Variants in DNAJC5B observed in about 807,000 individuals in gnomAD.
DNAJC5B encodes the protein dnaJ homolog subfamily C member 5B.
DNAJC5B carries 23 observed loss-of-function variants against 24.7 expected under a neutral mutation model. The ratio of observed to expected loss-of-function variants is 0.93; its 90% confidence interval spans 0.67 to 1.32. The LOEUF (loss-of-function observed/expected upper bound fraction) is 1.32, where lower values mean the gene tolerates loss of function less well. Ranked by LOEUF, DNAJC5B falls within the 40% of genes most tolerant of loss-of-function variation. DNAJC5B has a pLI of 0.00. For missense variants in DNAJC5B, 238 were observed against 240.8 expected, an observed-to-expected ratio of 0.99 and a Z score of 0.08; for synonymous variants, 101 against 90.1, an observed-to-expected ratio of 1.12 and a Z score of -0.68.
intron 4 of DNAJC5B, among the ~76,000 whole-genome samples, chr8:66,077,227 T>C (rs940687889): frequency 2.6e-5 from 4 of 152,348 alleles, no homozygotes; most frequent in Admixed American, 6.5e-5. Context: ...AATTTAGCCA[T>C]GTCCTTTTCT....
chr8:66,048,623 C>T (rs759701492), intron 2 of DNAJC5B, among the ~76,000 whole-genome samples: 10 of 152,144 alleles, frequency 6.6e-5, no homozygotes, highest in Non-Finnish European at 1.0e-4. Context: ...TTTCCTCCCT[C>T]GTCTTTCAGT....
the DNAJC5B span, among the ~76,000 whole-genome samples, chr8:66,015,782 A>C: frequency 2.0e-5 from 3 of 152,290 alleles, no homozygotes; most frequent in African/African-American, 2.4e-5. Context: ...GTTGAAATTG[A>C]AAAAGGGAAT....
rs938130800 is a variant in DNAJC5B, at chr8:66,100,364, T to C, written c.*333T>C. On this transcript the variant is annotated 3_prime_UTR_variant, in exon 6 of 6. Coordinates refer to ENST00000276570, the MANE Select transcript of DNAJC5B (RefSeq NM_033105.6). ...TCTGATTCCTAACTGACCAAAGTAA[T>C]ATTCCAGAACAAAAGCCACTTTTCT... 5.5e-6 allele frequency: 1 copy of C among 181,116 alleles called. No homozygotes were observed. Among genetic ancestry groups the C allele is most frequent in the Non-Finnish European group, 1.2e-5 (1 of 86,702 alleles). 11.2% of individuals were successfully genotyped at this position (181,116 alleles called of 1,614,324 possible).
At chr8:66,042,815 C>G (rs1348736127) in intron 1 of DNAJC5B, among the ~76,000 whole-genome samples, 1 of 150,602 alleles carries the variant, frequency 6.6e-6, no homozygotes. Context: ...CTAAAAAACT[C>G]TCAACTAGAG....
chr8:66,090,931 A>C (rs975984702), intron 5 of DNAJC5B, among the ~76,000 whole-genome samples: 1 of 152,196 alleles, frequency 6.6e-6, no homozygotes, highest in Non-Finnish European at 1.5e-5. Context: ...TCTTCTTTAT[A>C]TGAAAATATC....
At chr8:66,095,919 G>A (rs1023163568) in intron 5 of DNAJC5B, among the ~76,000 whole-genome samples, 4 of 152,054 alleles carry the variant, frequency 2.6e-5, no homozygotes, top group Non-Finnish European at 5.9e-5. Flanking sequence ...GTACAGCCTG[G>A]AACTTAGCCA....
At chr8:66,047,453 T>G (rs979777622) in intron 2 of DNAJC5B, among the ~76,000 whole-genome samples, 1 of 152,244 alleles carries the variant, frequency 6.6e-6, no homozygotes, top group Admixed American at 6.5e-5. Flanking sequence ...TAAGATGATT[T>G]TATAAGATAG....
At chr8:66,018,301 G>A (rs1004809519), upstream of DNAJC5B, among the ~76,000 whole-genome samples, 9 of 152,086 alleles carry the variant, frequency 5.9e-5, no homozygotes, top group Non-Finnish European at 1.3e-4. Context: ...GGTGGATCAC[G>A]AGGTCAGGAG....
At chr8:66,020,260 TG>T (rs921399463), upstream of DNAJC5B, among the ~76,000 whole-genome samples, 21 of 152,246 alleles carry the variant, frequency 1.4e-4, no homozygotes, top group African/African-American at 5.1e-4. Context: ...AATAATACTT[TG>T]TTTATCTCAC....
intron 3 of DNAJC5B, among the ~76,000 whole-genome samples, chr8:66,055,761 G>A (rs1806948522): frequency 6.6e-6 from 1 of 152,124 alleles, no homozygotes; most frequent in African/African-American, 2.4e-5. Context: ...TGGCAAACAT[G>A]GGAAACCCCA....
At chr8:66,069,253 A>G (rs759483101) in intron 3 of DNAJC5B, among the ~76,000 whole-genome samples, 3 of 152,004 alleles carry the variant, frequency 2.0e-5, no homozygotes, top group Non-Finnish European at 4.4e-5. Flanking sequence ...ATATAGACCA[A>G]ATGCTTCAAT....
intron 2 of DNAJC5B, among the ~76,000 whole-genome samples, chr8:66,047,443 T>C (rs949832347): frequency 6.6e-6 from 1 of 152,214 alleles, no homozygotes; most frequent in African/African-American, 2.4e-5. Context: ...TTTATCTCTT[T>C]AAGATGATTT....
chr8:66,016,947 T>C (rs1399983476), upstream of DNAJC5B, among the ~76,000 whole-genome samples: 1 of 152,208 alleles, frequency 6.6e-6, no homozygotes, highest in Non-Finnish European at 1.5e-5. Flanking sequence ...CAGACAGTTA[T>C]GTCTGAATGG....
At chr8:66,088,623 G>A (rs1352784209) in intron 5 of DNAJC5B, among the ~76,000 whole-genome samples, 7 of 152,112 alleles carry the variant, frequency 4.6e-5, no homozygotes, top group African/African-American at 1.7e-4. Flanking sequence ...TTCAGAATCA[G>A]CCAGATCACC....
At chr8:66,057,392 C>T (rs1806988945) in intron 3 of DNAJC5B, 1 of 151,964 alleles carries the variant, frequency 6.6e-6, no homozygotes, top group African/African-American at 2.4e-5. Context: ...TCTGAACAAC[C>T]GATAAACAAT....
chr8:66,031,254 C>A (rs1274777952), intron 1 of DNAJC5B, among the ~76,000 whole-genome samples: 1 of 152,146 alleles, frequency 6.6e-6, no homozygotes, highest in Non-Finnish European at 1.5e-5. Flanking sequence ...ACAATTGATA[C>A]ACACATATGT....
chr8:66,048,187 T>C (rs1047081914), intron 2 of DNAJC5B, among the ~76,000 whole-genome samples: 7 of 152,176 alleles, frequency 4.6e-5, no homozygotes, highest in African/African-American at 1.7e-4. Flanking sequence ...TACCCTTTCC[T>C]ACACTGTGAT....
At chr8:66,045,591 G>T (rs1586076871) in intron 2 of DNAJC5B, among the ~76,000 whole-genome samples, 1 of 152,070 alleles carries the variant, frequency 6.6e-6, no homozygotes, top group East Asian at 1.9e-4. Flanking sequence ...TACTAGAAAA[G>T]GGAGGGTAGA....
At chr8:66,022,330 C>A (rs1806148989) in intron 1 of DNAJC5B, among the ~76,000 whole-genome samples, 1 of 152,174 alleles carries the variant, frequency 6.6e-6, no homozygotes, top group Non-Finnish European at 1.5e-5. Flanking sequence ...CCCTGAGAGG[C>A]TCTGAGTGAC....
Sources: allele counts gnomAD v4.1 joint callset (sites outside exome capture counted in the v4.1 genomes callset), GRCh38; gene constraint gnomAD v4.1.1; transcripts MANE v1.5; gene names NCBI Gene and HGNC (gene_info 2026-07-23, HGNC 2026-07-21).